The following DPP6 variants were observed in gnomAD, a reference collection of about 807,000 sequenced individuals.
The protein encoded by DPP6 is A-type potassium channel modulatory protein DPP6.
DPP6 carries 69 observed loss-of-function variants against 122.6 expected under a neutral mutation model. That is an observed-to-expected ratio of 0.56 (90% confidence interval 0.46 to 0.69). DPP6 has a LOEUF of 0.69. Ranked by LOEUF, DPP6 falls within the 30% of genes least tolerant of loss-of-function variation. The pLI is 0.00. For missense variants in DPP6, 928 were observed against 1,116.9 expected (o/e 0.83, Z 2.41); for synonymous variants, 418 against 433.1 (o/e 0.97, Z 0.43).
chr7:154,186,431 T>C (rs553290079), intron 1 of DPP6, among the ~76,000 whole-genome samples: 2 of 152,382 alleles, frequency 1.3e-5, no homozygotes, highest in African/African-American at 4.8e-5. Flanking sequence ...CCGAATGATC[T>C]GAAAATGTAT....
intron 1 of DPP6, among the ~76,000 whole-genome samples, chr7:154,343,614 T>C (rs1311219350): frequency 1.3e-5 from 2 of 152,250 alleles, no homozygotes; most frequent in Non-Finnish European, 2.9e-5. Flanking sequence ...AGAGTCTTTC[T>C]CTGTCACCCT....
intron 8 of DPP6, among the ~76,000 whole-genome samples, chr7:154,738,519 G>A (rs1842672617): frequency 6.6e-6 from 1 of 152,276 alleles, no homozygotes; most frequent in South Asian, 2.1e-4. Context: ...TGAGGATGGG[G>A]GAATTATCCT....
chr7:153,964,450 A>G (rs1174788185), intron 1 of DPP6, among the ~76,000 whole-genome samples: 3 of 152,104 alleles, frequency 2.0e-5, no homozygotes, highest in Non-Finnish European at 4.4e-5. Flanking sequence ...TCCTAGCAGC[A>G]CTGGCCATCT....
At chr7:153,756,846 T>A in the DPP6 span, among the ~76,000 whole-genome samples, 1 of 152,192 alleles carries the variant, frequency 6.6e-6, no homozygotes, top group East Asian at 1.9e-4. Flanking sequence ...ATTTTTAAAA[T>A]TTTAATTGTC....
chr7:153,795,220 T>A, the DPP6 span, among the ~76,000 whole-genome samples: 57,086 of 152,064 alleles, frequency 0.38, 11,036 homozygotes, highest in South Asian at 0.48. Context: ...ATCGAGACCA[T>A]CCTGGCCAAC....
At chr7:153,750,310 T>C in the DPP6 span, among the ~76,000 whole-genome samples, 45 of 151,794 alleles carry the variant, frequency 3.0e-4, no homozygotes, top group Non-Finnish European at 5.6e-4. Flanking sequence ...GTTATATGTT[T>C]CACATTTACA....
intron 1 of DPP6, among the ~76,000 whole-genome samples, chr7:154,072,210 T>C (rs1803169144): frequency 6.6e-6 from 1 of 152,278 alleles, no homozygotes; most frequent in African/African-American, 2.4e-5. Context: ...TATATCCGCT[T>C]GCAGTTCTGT....
At chr7:154,494,029 G>A (rs544817978) in intron 3 of DPP6, among the ~76,000 whole-genome samples, 1 of 152,202 alleles carries the variant, frequency 6.6e-6, no homozygotes. Context: ...ATGGAAACTA[G>A]AAATTTTTGT....
At chr7:154,300,041 G>A (rs1274080744) in intron 1 of DPP6, among the ~76,000 whole-genome samples, 3 of 152,232 alleles carry the variant, frequency 2.0e-5, no homozygotes, top group Non-Finnish European at 4.4e-5. Context: ...CACCTGCACA[G>A]GACTGATTGC....
At chr7:154,807,220 C>G in intron 16 of DPP6, 108 bp downstream of exon 16, 1 of 1,460,478 alleles carries the variant, frequency 6.8e-7, no homozygotes, top group Non-Finnish European at 9.2e-7. Flanking sequence ...GGGAGCACAG[C>G]GTATTCCAGA....
At chr7:154,144,817 T>C (rs1054171879) in intron 1 of DPP6, among the ~76,000 whole-genome samples, 3 of 151,600 alleles carry the variant, frequency 2.0e-5, no homozygotes, top group Non-Finnish European at 4.4e-5. Flanking sequence ...CTCTCTGCCC[T>C]GTGAAGACAT....
chr7:153,886,890 C>G (rs1007601625), upstream of DPP6, among the ~76,000 whole-genome samples: 1 of 152,176 alleles, frequency 6.6e-6, no homozygotes, highest in Non-Finnish European at 1.5e-5. Context: ...ATAGTTAACA[C>G]CCGGCTGCGG....
chr7:154,522,399 A>G (rs925137785), intron 3 of DPP6, among the ~76,000 whole-genome samples: 22 of 152,142 alleles, frequency 1.4e-4, no homozygotes, highest in African/African-American at 5.1e-4. Flanking sequence ...GAGGCCCTTG[A>G]GCCAGAGGGA....
intron 5 of DPP6, among the ~76,000 whole-genome samples, chr7:154,627,787 G>C (rs879467522): frequency 1.3e-5 from 2 of 152,196 alleles, no homozygotes; most frequent in Non-Finnish European, 2.9e-5. Flanking sequence ...CAAGATGCCG[G>C]GTCTTTGGGT....
In DPP6 at chr7:154,063,088, G is replaced by A. The variant is rs564444454; in HGVS notation, c.243+10025G>A. Among the ~76,000 whole-genome samples, 43 of 116,936 alleles carry A rather than the reference G, an allele frequency of 3.7e-4. 6 individuals carry two copies. Among genetic ancestry groups the A allele is most frequent in the South Asian group, 9.7e-4 (3 of 3,106 alleles). The allele number at this position is 116,936 out of a possible 152,430, so 76.7% of individuals were successfully genotyped here. A position where few individuals can be genotyped will look rare whatever the true frequency, so the allele number is the denominator to read the frequency against. ...GGGACTGAGAGCTATCCCCTCTTCC[G>A]CCCCTGGCTGTTAGTACCCCCATCG... On this transcript the variant is annotated intron_variant, in intron 1 of 25. Transcript: ENST00000377770.
chr7:154,527,939 C>T (rs954706110), intron 3 of DPP6, among the ~76,000 whole-genome samples: 7 of 151,508 alleles, frequency 4.6e-5, no homozygotes, highest in African/African-American at 1.7e-4. Context: ...GGCATTTTAT[C>T]TAATTGTTGA....
chr7:153,925,246 G>A (rs1800832918), intron 1 of DPP6, among the ~76,000 whole-genome samples: 1 of 152,206 alleles, frequency 6.6e-6, no homozygotes, highest in African/African-American at 2.4e-5. Flanking sequence ...GATGAAGGGA[G>A]ACTATCTGCA....
chr7:154,096,604 C>G (rs1257362361), intron 1 of DPP6, among the ~76,000 whole-genome samples: 1 of 152,116 alleles, frequency 6.6e-6, no homozygotes, highest in African/African-American at 2.4e-5. Context: ...TAATTAAAGT[C>G]ATACTTTGGA....
chr7:154,689,949 G>T (rs1045580833), intron 7 of DPP6, among the ~76,000 whole-genome samples: 1 of 152,106 alleles, frequency 6.6e-6, no homozygotes, highest in Non-Finnish European at 1.5e-5. Context: ...GAACAATACA[G>T]CCATGTTATT....
Sources: allele counts gnomAD v4.1 joint callset (sites outside exome capture counted in the v4.1 genomes callset), GRCh38; gene constraint gnomAD v4.1.1; transcripts MANE v1.5; gene names NCBI Gene and HGNC (gene_info 2026-07-23, HGNC 2026-07-21).